GRID2: variants seen among roughly 807,000 people sequenced by gnomAD.
The protein encoded by GRID2 is glutamate receptor ionotropic, delta-2.
In GRID2, 33 loss-of-function variants were observed where a neutral mutation model predicts 114.8. The observed-to-expected ratio is 0.29, with a 90% confidence interval of 0.22 to 0.38. GRID2 has a LOEUF of 0.38. Among genes scored for constraint, GRID2 ranks in the 10% least tolerant of loss-of-function variants. The pLI is 1.00. For synonymous variants in GRID2, 505 were observed against 449.9 expected (o/e 1.12, Z -1.55); for missense variants, 1,184 against 1,257.7 (o/e 0.94, Z 0.89).
chr4:92,607,547 A>G (rs1729516907), intron 2 of GRID2, among the ~76,000 whole-genome samples: 1 of 151,806 alleles, frequency 6.6e-6, no homozygotes, highest in African/African-American at 2.4e-5. Context: ...ACTTTCTGTC[A>G]CCTATTACCT....
At chr4:93,725,758 T>C (rs577297457) in intron 14 of GRID2, among the ~76,000 whole-genome samples, 3 of 152,236 alleles carry the variant, frequency 2.0e-5, no homozygotes, top group Admixed American at 1.3e-4. Context: ...TTTTCATGTG[T>C]CTTTTGACTG....
chr4:93,682,957 G>A (rs1395027926), intron 14 of GRID2, among the ~76,000 whole-genome samples: 1 of 149,100 alleles, frequency 6.7e-6, no homozygotes, highest in Non-Finnish European at 1.5e-5. Flanking sequence ...AGAAAGAAAA[G>A]AAAAACACCC....
chr4:92,781,288 A>G (rs1402701568), intron 2 of GRID2, among the ~76,000 whole-genome samples: 1 of 152,028 alleles, frequency 6.6e-6, no homozygotes, highest in Non-Finnish European at 1.5e-5. Flanking sequence ...CAACAAAAAA[A>G]CAAACATTGC....
At chr4:93,410,460 T>G (rs560176427) in intron 9 of GRID2, among the ~76,000 whole-genome samples, 1 of 152,224 alleles carries the variant, frequency 6.6e-6, no homozygotes, top group Non-Finnish European at 1.5e-5. Flanking sequence ...AAATGCATGC[T>G]TTCAGACCTT....
At chr4:92,332,413 CA>C (rs373992670) in intron 1 of GRID2, among the ~76,000 whole-genome samples, 156 of 152,254 alleles carry the variant, frequency 1.0e-3, no homozygotes, top group African/African-American at 3.7e-3. Context: ...CAGCTCCCAC[CA>C]CTATTGCACT....
chr4:93,601,177 C>T (rs1279027930), intron 13 of GRID2, among the ~76,000 whole-genome samples: 1 of 152,100 alleles, frequency 6.6e-6, no homozygotes, highest in African/African-American at 2.4e-5. Flanking sequence ...AATGGTTGTA[C>T]TGTGTGATTT....
chr4:92,690,972 A>G (rs1347576450), intron 2 of GRID2, among the ~76,000 whole-genome samples: 1 of 152,146 alleles, frequency 6.6e-6, no homozygotes, highest in Non-Finnish European at 1.5e-5. Context: ...AATGATGAAA[A>G]GAGAGCAAAA....
At chr4:93,430,913 G>C (rs919154845) in intron 10 of GRID2, among the ~76,000 whole-genome samples, 1 of 152,114 alleles carries the variant, frequency 6.6e-6, no homozygotes, top group Non-Finnish European at 1.5e-5. Context: ...TAGAAGTAAA[G>C]GTAGAAAGGT....
chr4:93,081,128 T>A (rs1729823876), intron 2 of GRID2, among the ~76,000 whole-genome samples: 1 of 116,360 alleles, frequency 8.6e-6, no homozygotes, highest in South Asian at 2.6e-4. Context: ...CACAGCAGTG[T>A]ATGATGTAAT....
intron 2 of GRID2, among the ~76,000 whole-genome samples, chr4:92,857,606 C>T (rs1744261923): frequency 6.6e-6 from 1 of 152,138 alleles, no homozygotes; most frequent in South Asian, 2.1e-4. Flanking sequence ...TGGAAGCTAG[C>T]AGAGGTTGGC....
chr4:93,433,952 C>A (rs1158009397), intron 10 of GRID2, among the ~76,000 whole-genome samples: 1 of 152,110 alleles, frequency 6.6e-6, no homozygotes, highest in Non-Finnish European at 1.5e-5. Flanking sequence ...GATATTCAAC[C>A]TCAAAATCCT....
chr4:92,648,428 T>C (rs1731753236), intron 2 of GRID2, among the ~76,000 whole-genome samples: 1 of 149,462 alleles, frequency 6.7e-6, no homozygotes, highest in Non-Finnish European at 1.5e-5. Context: ...CTCCACATTA[T>C]TTCACAATGG....
intron 8 of GRID2, among the ~76,000 whole-genome samples, chr4:93,365,681 A>G (rs1308774145): frequency 4.6e-5 from 7 of 152,164 alleles, no homozygotes; most frequent in African/African-American, 1.4e-4. Context: ...TCTGGATACT[A>G]ATAAAGATAG....
At chr4:93,558,028 C>A (rs893158534) in intron 13 of GRID2, among the ~76,000 whole-genome samples, 1 of 152,100 alleles carries the variant, frequency 6.6e-6, no homozygotes, top group African/African-American at 2.4e-5. Context: ...TAAATAAGTT[C>A]TTTGACATCA....
intron 8 of GRID2, among the ~76,000 whole-genome samples, chr4:93,333,986 G>C (rs1442041609): frequency 6.6e-6 from 1 of 152,132 alleles, no homozygotes; most frequent in African/African-American, 2.4e-5. Flanking sequence ...GTGATAGCTA[G>C]TACAATAGAT....
At chr4:92,539,041 CAAAAAAA>C (rs36120695) in intron 1 of GRID2, among the ~76,000 whole-genome samples, 1 of 102,226 alleles carries the variant, frequency 9.8e-6, no homozygotes, top group Non-Finnish European at 2.1e-5. Context: ...GACTCCATCT[CAAAAAAA>C]AAAAAAAAAA....
intron 3 of GRID2, among the ~76,000 whole-genome samples, chr4:93,109,851 T>C (rs2149350500): frequency 6.6e-6 from 1 of 152,254 alleles, no homozygotes. Context: ...AGAAGAAATA[T>C]TTGTGATATT....
Position 93,140,160 on chromosome 4 carries a change from C to CTTTTT in GRID2, c.735+29219_735+29223dup, listed in dbSNP as rs10684978. On this transcript the variant is annotated intron_variant, in intron 4 of 15. Transcript: ENST00000282020. ...CATATCATTTTCTTTCTTTTCTTTTCTTTTTTTTTTTTTTTTGAGACTGAG... is the reference window on the plus strand; with the variant it reads ...CATATCATTTTCTTTCTTTTCTTTTCTTTTTTTTTTTTTTTTTTTTTGAGACTGAG... Among the ~76,000 whole-genome samples the CTTTTT allele has an allele frequency of 4.2e-4, 54 of 128,210 alleles. 1 individual carries two copies. The highest frequency in any genetic ancestry group is 4.1e-3 in the Middle Eastern group (1 of 244). 84.1% of individuals were successfully genotyped at this position (128,210 alleles called of 152,430 possible).
chr4:93,720,450 T>C (rs1231103423), intron 14 of GRID2, among the ~76,000 whole-genome samples: 1 of 152,188 alleles, frequency 6.6e-6, no homozygotes, highest in Non-Finnish European at 1.5e-5. Flanking sequence ...ATTCTTTGAA[T>C]AAAATGACAA....
Sources: gnomAD v4.1 joint callset for allele counts (sites outside exome capture counted in the v4.1 genomes callset) on GRCh38, gnomAD v4.1.1 for gene constraint, MANE v1.5 for transcripts, NCBI Gene and HGNC (gene_info 2026-07-23, HGNC 2026-07-21) for gene names.